D2HGDH: variants seen among roughly 807,000 people sequenced by gnomAD.
D2HGDH encodes the protein D-2-hydroxyglutarate dehydrogenase, also known as D-2-hydroxyglutarate dehydrogenase, mitochondrial.
Under a neutral mutation model 46.9 loss-of-function variants are expected in D2HGDH, and 31 were observed. That is an observed-to-expected ratio of 0.66 (90% CI 0.50 to 0.89). The LOEUF (loss-of-function observed/expected upper bound fraction) is 0.89, where lower values mean the gene tolerates loss of function less well. Ranked by LOEUF, D2HGDH falls within the 40% of genes least tolerant of loss-of-function variation. D2HGDH has a pLI of 0.00. For synonymous variants in D2HGDH, 364 were observed against 332.6 expected, an observed-to-expected ratio of 1.09 and a Z score of -1.03; for missense variants, 698 against 720.8, an observed-to-expected ratio of 0.97 and a Z score of 0.36.
chr2:241,737,564 A>G (rs1400171891), intron 2 of D2HGDH, among the ~76,000 whole-genome samples: 1 of 152,060 alleles, frequency 6.6e-6, no homozygotes, highest in African/African-American at 2.4e-5. Flanking sequence ...ATCTCCCCTT[A>G]CTGCAACCTC....
intron 9 of D2HGDH, among the ~76,000 whole-genome samples, chr2:241,758,432 C>T (rs183246386): frequency 1.3e-5 from 2 of 151,914 alleles, no homozygotes; most frequent in Admixed American, 1.3e-4. Flanking sequence ...TAAAGTTGTT[C>T]GAATATTCTT....
At chr2:241,764,083 G>A (rs1559401870) in intron 9 of D2HGDH, among the ~76,000 whole-genome samples, 1 of 152,224 alleles carries the variant, frequency 6.6e-6, no homozygotes, top group Non-Finnish European at 1.5e-5. Flanking sequence ...CTGTGGATGT[G>A]GTTTTTCTTC....
intron 8 of D2HGDH, among the ~76,000 whole-genome samples, chr2:241,753,072 G>GA (rs1439226313): frequency 6.6e-6 from 1 of 152,148 alleles, no homozygotes; most frequent in African/African-American, 2.4e-5. Context: ...GGACAGGGCC[G>GA]AATGGGGCTG....
At chr2:241,757,319 T>C (rs1203046839) in intron 9 of D2HGDH, among the ~76,000 whole-genome samples, 1 of 151,662 alleles carries the variant, frequency 6.6e-6, no homozygotes, top group African/African-American at 2.4e-5. Flanking sequence ...GACTCCTGAA[T>C]GGGAAGGGGG....
chr2:241,750,679 A>C lies in D2HGDH; in HGVS notation c.997+385A>C, dbSNP rs551949192. 1.1e-4 allele frequency among the ~76,000 whole-genome samples: 17 copies of C among 152,076 alleles called. No homozygotes were observed. In the East Asian group the frequency reaches 3.3e-3, roughly 29 times the overall value. ...TTTTATGCTGGGAAAAAAGCCAATAATTTTTTGTTGTTGGGGGATGGAGTT... is the reference window on the plus strand; with the variant it reads ...TTTTATGCTGGGAAAAAAGCCAATACTTTTTTGTTGTTGGGGGATGGAGTT... On this transcript the variant is annotated intron_variant, in intron 7 of 9. Transcript: ENST00000321264.
chr2:241,743,500 C>T lies in D2HGDH; in HGVS notation c.491-122C>T. 1 of 1,147,920 alleles carries T rather than the reference C, an allele frequency of 8.7e-7. No individual in the cohort carries two copies. The highest frequency in any genetic ancestry group is 1.3e-6 in the Non-Finnish European group (1 of 794,644). The allele number at this position is 1,147,920 out of a possible 1,614,324, so 71.1% of individuals were successfully genotyped here. A position where few individuals can be genotyped will look rare whatever the true frequency, so the allele number is the denominator to read the frequency against. On this transcript the variant is annotated intron_variant, in intron 4 of 9. Coordinates refer to ENST00000321264, the MANE Select transcript of D2HGDH (RefSeq NM_152783.5). The surrounding 1 kb of genome is among the most constrained non-coding windows in gnomAD (Gnocchi z 4.8). ...ATGTGGGGGTGCCTCTTCTCCTCAGCCCTGGCGCTGAGGCTGATGTTCCTT... is the reference window on the plus strand; with the variant it reads ...ATGTGGGGGTGCCTCTTCTCCTCAGTCCTGGCGCTGAGGCTGATGTTCCTT...
intron 6 of D2HGDH, among the ~76,000 whole-genome samples, chr2:241,748,031 C>T (rs1280659219): frequency 1.3e-5 from 2 of 152,178 alleles, no homozygotes; most frequent in Non-Finnish European, 2.9e-5. Flanking sequence ...AACCTGCTAG[C>T]GGGGCAAGGG....
chr2:241,750,117 C>T (rs767013987), intron 6 of D2HGDH, 34 bp from the exon 7 acceptor site: 19 of 1,613,486 alleles, frequency 1.2e-5, no homozygotes, highest in Admixed American at 6.7e-5. Context: ...GGTTTAGCTC[C>T]GTGTGGTGCT....
At chr2:241,735,913 C>A (rs1692661737) in intron 2 of D2HGDH, 1 of 246,480 alleles carries the variant, frequency 4.1e-6, no homozygotes, top group Non-Finnish European at 8.1e-6. Context: ...CAGGCGCCCG[C>A]CACCACGTTC....
intron 9 of D2HGDH, among the ~76,000 whole-genome samples, chr2:241,758,426 G>A (rs1698397197): frequency 6.6e-6 from 1 of 152,086 alleles, no homozygotes; most frequent in East Asian, 1.9e-4. Flanking sequence ...TTGGCATAAA[G>A]TTGTTCGAAT....
At chr2:241,760,588 G>A (rs1575332109) in intron 9 of D2HGDH, among the ~76,000 whole-genome samples, 1 of 151,788 alleles carries the variant, frequency 6.6e-6, no homozygotes, top group Non-Finnish European at 1.5e-5. Flanking sequence ...ATCAGTCGAA[G>A]TCCTTCGCCA....
intron 1 of D2HGDH, 172 bp downstream of exon 1, chr2:241,734,867 T>G: frequency 4.3e-6 from 1 of 232,722 alleles, no homozygotes; most frequent in Non-Finnish European, 8.4e-6. Flanking sequence ...CGCGCGCGCG[T>G]CCGCGGGATC....
At position 241,735,344 on chromosome 2, in the gene D2HGDH, G is replaced by C. The variant is rs1692467561; in HGVS notation, c.120G>C (p.Pro40=). The part of the protein sequence containing the change: ...PLARRGCCSA[P]GTPEVPLTRE... Reference sequence around the variant, plus strand: ...CCCGCAGAGGCTGCTGCTCCGCCCCGGGGACCCCCGAGGTGCCGCTGACCC... The same window carrying C: ...CCCGCAGAGGCTGCTGCTCCGCCCCCGGGACCCCCGAGGTGCCGCTGACCC... Residue 40 remains proline, a synonymous_variant, in exon 2 of 10, where the codon CCG becomes CCC. Coordinates refer to ENST00000321264, the MANE Select transcript of D2HGDH (RefSeq NM_152783.5). 2.6e-6 allele frequency: 4 copies of C among 1,554,088 alleles called. No individual in the cohort carries two copies. The African/African-American group carries it at 4.1e-5, about 16-fold the overall frequency.
At chr2:241,760,384 C>T (rs35411318) in intron 9 of D2HGDH, among the ~76,000 whole-genome samples, 5 of 147,750 alleles carry the variant, frequency 3.4e-5, no homozygotes, top group African/African-American at 7.6e-5. Flanking sequence ...AGGCCTTTGC[C>T]ACAGCGTGGG....
rs184020446 is a variant in D2HGDH at position 241,746,744 on chromosome 2, C to G, written c.853+1867C>G. The stretch of plus-strand genomic sequence containing the variant: ...CTCTACTAAAAATACAAAAATTAGC[C>G]GGGCATGGTGGTGGACGCCTGTAAT... On this transcript the variant is annotated intron_variant, in intron 6 of 9. Transcript: ENST00000321264. Among the ~76,000 whole-genome samples the G allele has an allele frequency of 2.6e-3, 401 of 152,020 alleles. 3 individuals carry two copies. The highest frequency in any genetic ancestry group is 9.0e-3 in the African/African-American group (373 of 41,480).
At chr2:241,741,954 T>C (rs1398831806) in intron 3 of D2HGDH, among the ~76,000 whole-genome samples, 2 of 152,232 alleles carry the variant, frequency 1.3e-5, no homozygotes, top group Non-Finnish European at 2.9e-5. Flanking sequence ...TCCAAACCCC[T>C]AGCCACTGGG....
At chr2:241,752,637 C>T (rs1039704393) in intron 8 of D2HGDH, among the ~76,000 whole-genome samples, 1 of 151,992 alleles carries the variant, frequency 6.6e-6, no homozygotes, top group African/African-American at 2.4e-5. Flanking sequence ...GGACAGCCGC[C>T]GGGGATTCTC....
At position 241,744,650 on chromosome 2, in the gene D2HGDH, C is replaced by T. The variant is rs974494010; in HGVS notation, c.685-59C>T. On this transcript the variant is annotated intron_variant, in intron 5 of 9. Coordinates refer to ENST00000321264, the MANE Select transcript of D2HGDH (RefSeq NM_152783.5). Reference sequence around the variant, plus strand: ...CAGAAGTGACACCTGGCCCCGGAGGCGACCGACGTCTTGTCAGGAGGCTGG... The same window carrying T: ...CAGAAGTGACACCTGGCCCCGGAGGTGACCGACGTCTTGTCAGGAGGCTGG... 41 of 1,609,336 alleles carry T rather than the reference C, an allele frequency of 2.5e-5. No individual in the cohort carries two copies. In the Admixed American group the frequency reaches 3.7e-4, roughly 14 times the overall value.
intron 2 of D2HGDH, among the ~76,000 whole-genome samples, chr2:241,739,408 C>T (rs6747094): frequency 0.11 from 16,403 of 152,246 alleles, 1,591 homozygotes; most frequent in African/African-American, 0.25. Flanking sequence ...CCTCAGGTGC[C>T]GCACTGAAGT....
Sources: allele counts gnomAD v4.1 joint callset (sites outside exome capture counted in the v4.1 genomes callset), GRCh38; gene constraint gnomAD v4.1.1; non-coding constraint Gnocchi (gnomAD v3.1); transcripts MANE v1.5; gene names NCBI Gene and HGNC (gene_info 2026-07-23, HGNC 2026-07-21).